The following C10orf90 variants were observed in gnomAD, a reference collection of about 807,000 sequenced individuals.
C10orf90 encodes the protein chromosome 10 open reading frame 90, also known as (E2-independent) E3 ubiquitin-conjugating enzyme FATS.
In C10orf90, 56 loss-of-function variants were observed where a neutral mutation model predicts 62.5. The ratio of observed to expected loss-of-function variants is 0.90; its 90% CI spans 0.72 to 1.12. The LOEUF (loss-of-function observed/expected upper bound fraction) is 1.12. Ranked by LOEUF, C10orf90 falls within the 50% of genes most tolerant of loss-of-function variation. The pLI is 0.00. For synonymous variants in C10orf90, 386 were observed against 340.4 expected, an observed-to-expected ratio of 1.13 and a Z score of -1.47; for missense variants, 970 against 880.4, an observed-to-expected ratio of 1.10 and a Z score of -1.29.
At chr10:126,509,034 G>C (rs1286114113) in intron 3 of C10orf90, among the ~76,000 whole-genome samples, 1 of 152,214 alleles carries the variant, frequency 6.6e-6, no homozygotes, top group African/African-American at 2.4e-5. Flanking sequence ...GTGCTGAGGG[G>C]CTGCAGGCCG....
intron 2 of C10orf90, among the ~76,000 whole-genome samples, chr10:126,635,804 T>G (rs764448402): frequency 1.2e-4 from 18 of 152,188 alleles, no homozygotes; most frequent in Admixed American, 5.9e-4. Context: ...TGGCCTCCCA[T>G]AAGATTTTCT....
chr10:126,625,777 C>T (rs906887705), intron 2 of C10orf90, among the ~76,000 whole-genome samples: 2 of 152,082 alleles, frequency 1.3e-5, no homozygotes, highest in East Asian at 1.9e-4. Flanking sequence ...ATCTTCAATT[C>T]GGTGGATGGA....
At chr10:126,569,187 G>C (rs1334321128) in intron 2 of C10orf90, among the ~76,000 whole-genome samples, 1 of 152,258 alleles carries the variant, frequency 6.6e-6, no homozygotes, top group South Asian at 2.1e-4. Context: ...CCAGGGGTGG[G>C]TAGCCACAGG....
At chr10:126,656,613 T>C (rs767015444) in intron 1 of C10orf90, among the ~76,000 whole-genome samples, 2 of 152,210 alleles carry the variant, frequency 1.3e-5, no homozygotes, top group Admixed American at 1.3e-4. Flanking sequence ...TACTTCAGGA[T>C]TTCAGCTACA....
At chr10:126,615,671 C>T (rs1003434873) in intron 2 of C10orf90, among the ~76,000 whole-genome samples, 20 of 152,064 alleles carry the variant, frequency 1.3e-4, no homozygotes, top group Non-Finnish European at 2.2e-4. Context: ...ACGTGTAAGG[C>T]ATTGTAGGGA....
chr10:126,534,247 G>C (rs11245022), intron 2 of C10orf90, among the ~76,000 whole-genome samples: 8,303 of 152,236 alleles, frequency 0.055, 344 homozygotes, highest in African/African-American at 0.11. Context: ...GCCAAACTCA[G>C]GTTTCTTGGC....
intron 2 of C10orf90, among the ~76,000 whole-genome samples, chr10:126,612,599 G>T (rs1845460919): frequency 6.6e-6 from 1 of 152,154 alleles, no homozygotes; most frequent in Non-Finnish European, 1.5e-5. Flanking sequence ...AGATAAAAGG[G>T]TGTCTTTTTT....
intron 2 of C10orf90, among the ~76,000 whole-genome samples, chr10:126,517,271 A>G (rs1863483811): frequency 6.6e-6 from 1 of 152,206 alleles, no homozygotes; most frequent in Non-Finnish European, 1.5e-5. Context: ...AAGCCTATGA[A>G]CCACATGACT....
At chr10:126,430,124 C>A (rs1312451147) in intron 7 of C10orf90, among the ~76,000 whole-genome samples, 2 of 152,148 alleles carry the variant, frequency 1.3e-5, no homozygotes, top group Non-Finnish European at 2.9e-5. Flanking sequence ...TGAATGCTTC[C>A]TTTAGCAACA....
chr10:126,496,591 G>A (rs369937952), intron 4 of C10orf90: 140 of 879,194 alleles, frequency 1.6e-4, no homozygotes, highest in African/African-American at 2.7e-4. Flanking sequence ...CATTTCCCCC[G>A]CCACCCTCCA....
At chr10:126,539,330 C>A (rs1591080922) in intron 2 of C10orf90, among the ~76,000 whole-genome samples, 1 of 152,322 alleles carries the variant, frequency 6.6e-6, no homozygotes, top group African/African-American at 2.4e-5. Context: ...TGAATTTATA[C>A]TGCAAACAAG....
intron 1 of C10orf90, among the ~76,000 whole-genome samples, chr10:126,662,398 C>T (rs1462224842): frequency 6.6e-6 from 1 of 152,094 alleles, no homozygotes; most frequent in East Asian, 1.9e-4. Context: ...TTTTCTCTGT[C>T]TGGTCATAGA....
At chr10:126,458,587 G>A (rs1859735855) in intron 7 of C10orf90, among the ~76,000 whole-genome samples, 1 of 152,164 alleles carries the variant, frequency 6.6e-6, no homozygotes, top group South Asian at 2.1e-4. Flanking sequence ...ACAGTGCTGG[G>A]AAGCCAGCCA....
At chr10:126,623,827 C>T (rs570288513) in intron 2 of C10orf90, among the ~76,000 whole-genome samples, 26 of 116,098 alleles carry the variant, frequency 2.2e-4, no homozygotes, top group African/African-American at 8.9e-4. Flanking sequence ...GGTGACAGAG[C>T]GAGACTCCAT....
Position 126,459,107 on chromosome 10 carries a change from C to T in C10orf90, c.2121G>A (p.Arg707=), listed in dbSNP as rs751276764. 1.9e-6 allele frequency: 3 copies of T among 1,613,994 alleles called. No homozygotes were observed. The highest frequency in any genetic ancestry group is 3.3e-5 in the Admixed American group (2 of 59,992). ...QRKAQRKEDL[R]QKQSLLPIRT... is the part of the protein sequence containing the mutation. ...GGATGGGAAGGAGGCTCTGCTTCTG[C>T]CTCAGGTCCTCCTTCCGCTGGGCTT... The change falls in exon 7 of 10, where the codon AGG becomes AGA. Residue 707 remains arginine (R), a synonymous_variant. Transcript: ENST00000488181.
At chr10:126,619,367 A>G (rs1052498972) in intron 2 of C10orf90, among the ~76,000 whole-genome samples, 1 of 152,216 alleles carries the variant, frequency 6.6e-6, no homozygotes, top group African/African-American at 2.4e-5. Context: ...CTGACCGCTC[A>G]ACAGTTTTCC....
At chr10:126,454,479 G>C (rs142962804) in intron 7 of C10orf90, among the ~76,000 whole-genome samples, 1 of 151,942 alleles carries the variant, frequency 6.6e-6, no homozygotes, top group East Asian at 1.9e-4. Context: ...AATCTGCAAA[G>C]GCTGTGCCCC....
At chr10:126,627,106 TC>T (rs1312091943) in intron 2 of C10orf90, among the ~76,000 whole-genome samples, 4 of 151,356 alleles carry the variant, frequency 2.6e-5, no homozygotes, top group Admixed American at 6.6e-5. Flanking sequence ...TTGGAATGCT[TC>T]TCCTGCCTCA....
intron 2 of C10orf90, among the ~76,000 whole-genome samples, chr10:126,563,779 G>A (rs551372267): frequency 6.6e-5 from 10 of 152,170 alleles, no homozygotes; most frequent in East Asian, 1.9e-4. Flanking sequence ...AATTGGCGGC[G>A]GCAGCTGATG....
Sources: gnomAD v4.1 joint callset for allele counts (sites outside exome capture counted in the v4.1 genomes callset) on GRCh38, gnomAD v4.1.1 for gene constraint, MANE v1.5 for transcripts, NCBI Gene and HGNC (gene_info 2026-07-23, HGNC 2026-07-21) for gene names.